GATAD2B: variants seen among roughly 807,000 people sequenced by gnomAD.
GATAD2B encodes the protein GATA zinc finger domain containing 2B, also known as transcriptional repressor p66-beta.
Under a neutral mutation model 64.3 loss-of-function variants are expected in GATAD2B, and 8 were observed. The observed-to-expected ratio is 0.12, with a 90% CI of 0.07 to 0.22. The LOEUF (loss-of-function observed/expected upper bound fraction) is 0.22, where lower values mean the gene tolerates loss of function less well. Among genes scored for constraint, GATAD2B ranks in the 10% least tolerant of loss-of-function variants. The pLI is 1.00. For missense variants in GATAD2B, 453 were observed against 752.0 expected, an observed-to-expected ratio of 0.60 and a Z score of 4.65; for synonymous variants, 281 against 271.3, an observed-to-expected ratio of 1.04 and a Z score of -0.35.
In GATAD2B at chr1:153,816,059, A is replaced by AACACACACACACACACACACACAC. The variant is rs71093286; in HGVS notation, c.1216+190_1216+213dup. 4.9e-5 allele frequency among the ~76,000 whole-genome samples: 7 copies of AACACACACACACACACACACACAC among 141,884 alleles called. No individual in the cohort carries two copies. Among genetic ancestry groups the AACACACACACACACACACACACAC allele is most frequent in the South Asian group, 2.3e-4 (1 of 4,294 alleles). 93.1% of individuals were successfully genotyped at this position (141,884 alleles called of 152,430 possible). A position where few individuals can be genotyped will look rare whatever the true frequency, so the allele number is the denominator to read the frequency against. On this transcript the variant is annotated intron_variant, in intron 7 of 10. Transcript: ENST00000368655. The surrounding 1 kb of genome is among the most constrained non-coding windows in gnomAD (Gnocchi z 4.9). ...CAGAGCGAGACTGCATCTCAAACAA[A>AACACACACACACACACACACACAC]ACACACACACACACACACACACACA...
Position 153,809,930 on chromosome 1 carries a change from T to TA in GATAD2B, c.*246dup, listed in dbSNP as rs550277510. 5.0e-6 allele frequency: 2 copies of TA among 401,570 alleles called. No individual in the cohort carries two copies. Among genetic ancestry groups the TA allele is most frequent in the South Asian group, 7.7e-5 (2 of 25,880 alleles). 24.9% of individuals were successfully genotyped at this position (401,570 alleles called of 1,614,324 possible). ...CAGAGGTAAAGATCCACCTCACTGT[T>TA]AAAGAAAACTGAAGAGAGAAGACAG... On this transcript the variant is annotated 3_prime_UTR_variant, in exon 11 of 11. Transcript: ENST00000368655.
intron 1 of GATAD2B, among the ~76,000 whole-genome samples, chr1:153,893,977 A>C (rs1677502324): frequency 1.3e-5 from 2 of 150,812 alleles, no homozygotes; most frequent in Admixed American, 6.6e-5. Context: ...AAAAAAAAAA[A>C]AAAAACCCAA....
chr1:153,876,047 T>C (rs143430962), intron 1 of GATAD2B, among the ~76,000 whole-genome samples: 103 of 151,120 alleles, frequency 6.8e-4, no homozygotes, highest in African/African-American at 2.2e-3. Flanking sequence ...GCCAATATGG[T>C]GAAACCCCGC....
intron 1 of GATAD2B, among the ~76,000 whole-genome samples, chr1:153,915,607 G>A (rs929464161): frequency 2.6e-5 from 4 of 151,606 alleles, no homozygotes; most frequent in Non-Finnish European, 5.9e-5. Context: ...AAGTGGCACA[G>A]GCCTATAGAC....
intron 1 of GATAD2B, among the ~76,000 whole-genome samples, chr1:153,834,723 A>G (rs893396775): frequency 4.6e-5 from 7 of 152,208 alleles, no homozygotes; most frequent in Non-Finnish European, 7.3e-5. Context: ...ATTTGAAAGA[A>G]GTTGATTATA....
intron 1 of GATAD2B, among the ~76,000 whole-genome samples, chr1:153,837,359 C>A (rs568448741): frequency 8.8e-6 from 1 of 113,298 alleles, no homozygotes; most frequent in Non-Finnish European, 2.0e-5. Context: ...AAACAAAAAA[C>A]CCCAAAAACA....
chr1:153,880,174 A>G (rs1676966237), intron 1 of GATAD2B, among the ~76,000 whole-genome samples: 1 of 151,868 alleles, frequency 6.6e-6, no homozygotes, highest in African/African-American at 2.4e-5. Flanking sequence ...AATGATTAGA[A>G]ACAGTCGGCC....
intron 1 of GATAD2B, among the ~76,000 whole-genome samples, chr1:153,867,164 G>T (rs758978159): frequency 1.1e-4 from 17 of 152,272 alleles, no homozygotes; most frequent in Middle Eastern, 3.4e-3. Flanking sequence ...CTTGAGAAGA[G>T]CACACCTCGG....
intron 1 of GATAD2B, among the ~76,000 whole-genome samples, chr1:153,908,046 G>C (rs1678001522): frequency 6.6e-6 from 1 of 152,144 alleles, no homozygotes; most frequent in Admixed American, 6.6e-5. Flanking sequence ...CTCATGATCT[G>C]CCTGCCTTGG....
chr1:153,892,426 T>TA (rs1397700427), intron 1 of GATAD2B, among the ~76,000 whole-genome samples: 1 of 151,976 alleles, frequency 6.6e-6, no homozygotes, highest in Non-Finnish European at 1.5e-5. Flanking sequence ...GAAAAATAAA[T>TA]AAACTGATAA....
chr1:153,897,281 G>A (rs1008411690), intron 1 of GATAD2B, among the ~76,000 whole-genome samples: 9 of 152,004 alleles, frequency 5.9e-5, no homozygotes, highest in Non-Finnish European at 1.0e-4. Context: ...CGCCCACCTC[G>A]GCCTCCGAAA....
At chr1:153,873,521 C>T (rs924425337) in intron 1 of GATAD2B, among the ~76,000 whole-genome samples, 1 of 152,276 alleles carries the variant, frequency 6.6e-6, no homozygotes, top group East Asian at 1.9e-4. Context: ...GGCTGTCTCT[C>T]GTTAGTCCCC....
At position 153,817,622 on chromosome 1, in the gene GATAD2B, C is replaced by T. The variant is rs1217665927; in HGVS notation, c.730-80G>A. On this transcript the variant is annotated intron_variant, in intron 5 of 10. Transcript: ENST00000368655. ...ACAGCACAAAATGCAAAAGGGAAAA[C>T]ACTGCCTATAATACATAGCTAAGTA... 8 of 959,196 alleles carry T rather than the reference C, an allele frequency of 8.3e-6. No individual in the cohort carries two copies. In the Admixed American group the frequency reaches 2.4e-4, roughly 29 times the overall value. 59.4% of individuals were successfully genotyped at this position (959,196 alleles called of 1,614,324 possible).
intron 1 of GATAD2B, among the ~76,000 whole-genome samples, chr1:153,911,343 TAACC>T (rs1193771883): frequency 6.6e-6 from 1 of 152,056 alleles, no homozygotes; most frequent in Non-Finnish European, 1.5e-5. Context: ...GTCTTCACAA[TAACC>T]AACAAAAGAA....
intron 1 of GATAD2B, among the ~76,000 whole-genome samples, chr1:153,847,910 C>G (rs1675745227): frequency 6.6e-6 from 1 of 152,128 alleles, no homozygotes; most frequent in Non-Finnish European, 1.5e-5. Flanking sequence ...TTTGACTGAT[C>G]TGCTCCAAAG....
chr1:153,869,415 T>C (rs1676588863), intron 1 of GATAD2B, among the ~76,000 whole-genome samples: 2 of 152,206 alleles, frequency 1.3e-5, no homozygotes, highest in Admixed American at 1.3e-4. Flanking sequence ...TTCTTTCCCA[T>C]ATTTATTTAT....
At chr1:153,851,652 G>A (rs1675900890) in intron 1 of GATAD2B, among the ~76,000 whole-genome samples, 1 of 151,884 alleles carries the variant, frequency 6.6e-6, no homozygotes, top group South Asian at 2.1e-4. Flanking sequence ...GAATTCAAAG[G>A]TAGTATTCCT....
chr1:153,892,406 G>C (rs1677443470), intron 1 of GATAD2B, among the ~76,000 whole-genome samples: 1 of 151,958 alleles, frequency 6.6e-6, no homozygotes, highest in South Asian at 2.1e-4. Flanking sequence ...CCCTCCTATT[G>C]AATCCAAGGG....
intron 2 of GATAD2B, among the ~76,000 whole-genome samples, chr1:153,825,066 C>T (rs746545494): frequency 6.6e-6 from 1 of 151,984 alleles, no homozygotes; most frequent in Non-Finnish European, 1.5e-5. Context: ...CCAGCCAGGG[C>T]AACAGAGTGA....
Sources: allele counts gnomAD v4.1 joint callset (sites outside exome capture counted in the v4.1 genomes callset), GRCh38; gene constraint gnomAD v4.1.1; non-coding constraint Gnocchi (gnomAD v3.1); transcripts MANE v1.5; gene names NCBI Gene and HGNC (gene_info 2026-07-23, HGNC 2026-07-21).